STAU2: variants seen among roughly 807,000 people sequenced by gnomAD.
The protein encoded by STAU2 is staufen double-stranded RNA binding protein 2.
STAU2 carries 20 observed loss-of-function variants against 65.9 expected under a neutral mutation model. The observed-to-expected ratio is 0.30, with a 90% CI of 0.21 to 0.44. The LOEUF (loss-of-function observed/expected upper bound fraction) is 0.44, where lower values mean the gene tolerates loss of function less well. STAU2 is among the 20% of genes least tolerant of loss of function. The pLI, the probability that STAU2 is intolerant of heterozygous loss-of-function variation, is 1.00. For missense variants in STAU2, 558 were observed against 683.9 expected (o/e 0.82, Z 2.05); for synonymous variants, 232 against 233.9 (o/e 0.99, Z 0.07).
chr8:73,701,134 T>C (rs935548037), intron 4 of STAU2, among the ~76,000 whole-genome samples: 2 of 152,052 alleles, frequency 1.3e-5, no homozygotes, highest in African/African-American at 2.4e-5. Flanking sequence ...TCAAAATGGA[T>C]TAAAGGCTTA....
intron 6 of STAU2, among the ~76,000 whole-genome samples, chr8:73,647,653 G>A (rs891127521): frequency 2.7e-5 from 4 of 149,422 alleles, no homozygotes; most frequent in Non-Finnish European, 3.0e-5. Flanking sequence ...ATCATGGCTC[G>A]TAGTAGCCTC....
intron 13 of STAU2, among the ~76,000 whole-genome samples, chr8:73,424,954 C>T (rs1043660282): frequency 7.9e-5 from 12 of 152,014 alleles, no homozygotes; most frequent in South Asian, 2.1e-4. Flanking sequence ...TCTCTTTGGA[C>T]CTGGAGTGCT....
At chr8:73,480,355 T>C (rs971922557) in intron 13 of STAU2, among the ~76,000 whole-genome samples, 1 of 152,212 alleles carries the variant, frequency 6.6e-6, no homozygotes, top group African/African-American at 2.4e-5. Flanking sequence ...GAATAAGACA[T>C]GAGCTTTTCT....
intron 13 of STAU2, among the ~76,000 whole-genome samples, chr8:73,545,075 G>A (rs539789104): frequency 9.2e-5 from 14 of 152,246 alleles, no homozygotes; most frequent in African/African-American, 2.4e-4. Context: ...AATGTTCAAC[G>A]GGATGGCATT....
At chr8:73,573,209 C>T (rs937219252) in intron 12 of STAU2, among the ~76,000 whole-genome samples, 3 of 152,182 alleles carry the variant, frequency 2.0e-5, no homozygotes, top group South Asian at 2.1e-4. Context: ...TGTGAAGGAC[C>T]TCTTCAAGGA....
intron 13 of STAU2, among the ~76,000 whole-genome samples, chr8:73,453,786 TA>T (rs201566035): frequency 5.3e-5 from 8 of 151,136 alleles, no homozygotes; most frequent in South Asian, 4.2e-4. Context: ...ATCTTTTTTT[TA>T]AAAAAAAAAG....
chr8:73,591,174 T>C (rs1810745087), intron 11 of STAU2, among the ~76,000 whole-genome samples: 1 of 152,074 alleles, frequency 6.6e-6, no homozygotes, highest in Admixed American at 6.5e-5. Flanking sequence ...ACTGACTATA[T>C]AAAGCAAAAT....
chr8:73,544,958 G>A (rs1243447488), intron 13 of STAU2, among the ~76,000 whole-genome samples: 1 of 152,100 alleles, frequency 6.6e-6, no homozygotes, highest in Non-Finnish European at 1.5e-5. Context: ...AGTTTAGCAT[G>A]TTTAGCAAGT....
chr8:73,543,305 AAAG>A (rs1806672319), intron 13 of STAU2, among the ~76,000 whole-genome samples: 1 of 152,208 alleles, frequency 6.6e-6, no homozygotes, highest in Non-Finnish European at 1.5e-5. Flanking sequence ...CTTTTGCAAT[AAAG>A]AGTCCCATCT....
intron 13 of STAU2, chr8:73,549,748 T>G (rs1807187833): frequency 1.0e-6 from 1 of 985,664 alleles, no homozygotes; most frequent in African/African-American, 1.7e-5. Context: ...CAGTATCTGT[T>G]CAGTGTGCAA....
intron 3 of STAU2, among the ~76,000 whole-genome samples, chr8:73,730,728 CAAA>C (rs60034849): frequency 6.0e-5 from 5 of 82,694 alleles, no homozygotes; most frequent in Admixed American, 1.4e-4. Flanking sequence ...CTACGTCTTT[CAAA>C]AAAAAAAAAA....
intron 3 of STAU2, among the ~76,000 whole-genome samples, chr8:73,709,675 T>A (rs2130646546): frequency 6.6e-6 from 1 of 152,054 alleles, no homozygotes; most frequent in East Asian, 1.9e-4. Flanking sequence ...ACAAATTAAC[T>A]CCCCTTTCTG....
At chr8:73,443,656 A>T (rs965222199) in intron 13 of STAU2, among the ~76,000 whole-genome samples, 1 of 152,130 alleles carries the variant, frequency 6.6e-6, no homozygotes, top group African/African-American at 2.4e-5. Context: ...GTTTGAGACC[A>T]GGCTGGGCAA....
intron 6 of STAU2, among the ~76,000 whole-genome samples, chr8:73,666,194 G>A (rs904228793): frequency 7.2e-5 from 11 of 152,120 alleles, no homozygotes; most frequent in African/African-American, 2.4e-4. Flanking sequence ...AATCTTATAT[G>A]CAAAGTTTGA....
chr8:73,456,197 C>T (rs780112319), intron 13 of STAU2, among the ~76,000 whole-genome samples: 3 of 152,130 alleles, frequency 2.0e-5, no homozygotes, highest in Non-Finnish European at 2.9e-5. Context: ...GAAAGTCAAA[C>T]GGAATAAATA....
intron 13 of STAU2, among the ~76,000 whole-genome samples, chr8:73,428,365 CCATTAATGGACATTTAGGTTGATCCCA>C (rs59177099): frequency 0.12 from 17,568 of 152,170 alleles, 1,950 homozygotes; most frequent in African/African-American, 0.27. Context: ...TTCCATTCAT[CCATTAATGGACATTTAGGTTGATCCCA>C]CATCTTTGCT....
chr8:73,631,914 G>A (rs1040677885), intron 6 of STAU2, among the ~76,000 whole-genome samples: 7 of 149,130 alleles, frequency 4.7e-5, no homozygotes, highest in Admixed American at 2.7e-4. Flanking sequence ...TTACCCACCC[G>A]CAAAAGAGAA....
intron 4 of STAU2, among the ~76,000 whole-genome samples, chr8:73,700,976 C>T (rs566464761): frequency 2.0e-5 from 3 of 152,144 alleles, no homozygotes; most frequent in Non-Finnish European, 2.9e-5. Context: ...CACACACCTA[C>T]GATGAACTCA....
chr8:73,500,882 AAGG>A (rs1414965439), intron 13 of STAU2, among the ~76,000 whole-genome samples: 2 of 151,932 alleles, frequency 1.3e-5, no homozygotes, highest in African/African-American at 4.8e-5. Context: ...TCTGCTAAAC[AAGG>A]AGATGAATGG....
Sources: gnomAD v4.1 joint callset for allele counts (sites outside exome capture counted in the v4.1 genomes callset) on GRCh38, gnomAD v4.1.1 for gene constraint, MANE v1.5 for transcripts, NCBI Gene and HGNC (gene_info 2026-07-23, HGNC 2026-07-21) for gene names.